Variants in NFIC observed in about 807,000 individuals in gnomAD.
The protein encoded by NFIC is nuclear factor I C, also known as nuclear factor 1 C-type.
In NFIC, 12 loss-of-function variants were observed where a neutral mutation model predicts 54.4. That is an observed-to-expected ratio of 0.22 (90% confidence interval 0.14 to 0.36). The LOEUF is 0.36. Among genes scored for constraint, NFIC ranks in the 10% least tolerant of loss-of-function variants. The pLI, the probability that NFIC is intolerant of heterozygous loss-of-function variation, is 1.00. For missense variants in NFIC, 575 were observed against 718.2 expected (o/e 0.80, Z 2.28); for synonymous variants, 322 against 319.2 (o/e 1.01, Z -0.09).
At chr19:3,389,128 C>T (rs1048122693) in intron 2 of NFIC, among the ~76,000 whole-genome samples, 1 of 152,062 alleles carries the variant, frequency 6.6e-6, no homozygotes, top group African/African-American at 2.4e-5. Flanking sequence ...CAGTGCAGGC[C>T]GTGCACACTC....
intron 2 of NFIC, among the ~76,000 whole-genome samples, chr19:3,423,534 G>A (rs2081984293): frequency 6.6e-6 from 1 of 152,088 alleles, no homozygotes; most frequent in Non-Finnish European, 1.5e-5. Context: ...GGCTGGGGAG[G>A]GGCGTCTGCC....
intron 1 of NFIC, among the ~76,000 whole-genome samples, chr19:3,360,160 C>T (rs1351625148): frequency 6.9e-6 from 1 of 145,354 alleles, no homozygotes; most frequent in Admixed American, 6.8e-5. Context: ...TGCCCCGGCC[C>T]GGGCGAGCGC....
chr19:3,378,295 C>T (rs563112603), intron 1 of NFIC, among the ~76,000 whole-genome samples: 1 of 150,960 alleles, frequency 6.6e-6, no homozygotes, highest in South Asian at 2.1e-4. Flanking sequence ...GATGGGGTTT[C>T]GCCATGTTGC....
At position 3,452,101 on chromosome 19, in the gene NFIC, CAAAA is replaced by C. The variant is rs777727186; in HGVS notation, c.1085-362_1085-359del. ...TGCACTCCAGCCTGGGTGACTGTCTCAAAAAAAAAAAAAAAAAAAAAAGACCAGG... is the reference window on the plus strand; with the variant it reads ...TGCACTCCAGCCTGGGTGACTGTCTCAAAAAAAAAAAAAAAAAAGACCAGG... On this transcript the variant is annotated intron_variant, in intron 7 of 10. Coordinates refer to ENST00000443272, the MANE Select transcript of NFIC (RefSeq NM_001245002.2). This position sits in a 1 kb window ranked among gnomAD's most constrained non-coding sequence, Gnocchi z 5.3. Among the ~76,000 whole-genome samples the C allele has an allele frequency of 1.8e-5, 1 of 54,524 alleles. No individual in the cohort carries two copies. Among genetic ancestry groups the C allele is most frequent in the Non-Finnish European group, 4.1e-5 (1 of 24,412 alleles). 35.8% of individuals were successfully genotyped at this position (54,524 alleles called of 152,430 possible). A position where few individuals can be genotyped will look rare whatever the true frequency, so the allele number is the denominator to read the frequency against.
chr19:3,364,150 G>T (rs2080852967), upstream of NFIC, among the ~76,000 whole-genome samples: 1 of 147,172 alleles, frequency 6.8e-6, no homozygotes. Flanking sequence ...ACTGTAGAGA[G>T]AGTGCTTTGA....
chr19:3,448,964 C>T (rs774139053), intron 6 of NFIC, 50 bp from the exon 7 acceptor site: 61 of 1,579,468 alleles, frequency 3.9e-5, no homozygotes, highest in Non-Finnish European at 4.4e-5. Context: ...AGGTCCAGGG[C>T]TCATGGGGTG....
intron 6 of NFIC, among the ~76,000 whole-genome samples, chr19:3,447,566 G>A (rs964179302): frequency 2.0e-5 from 3 of 152,206 alleles, no homozygotes; most frequent in Non-Finnish European, 4.4e-5. Flanking sequence ...AGGGCTGAAG[G>A]CATCCTCAGA....
At chr19:3,383,392 G>C (rs1242132543) in intron 2 of NFIC, among the ~76,000 whole-genome samples, 1 of 152,136 alleles carries the variant, frequency 6.6e-6, no homozygotes, top group Non-Finnish European at 1.5e-5. Flanking sequence ...GATGCCCCAG[G>C]GGTCCTGGCA....
At chr19:3,419,300 T>C (rs1244758386) in intron 2 of NFIC, among the ~76,000 whole-genome samples, 1 of 152,140 alleles carries the variant, frequency 6.6e-6, no homozygotes, top group Non-Finnish European at 1.5e-5. Context: ...ATTTATAGCA[T>C]ATTATTTTTA....
At chr19:3,447,214 G>A (rs930099856) in intron 6 of NFIC, among the ~76,000 whole-genome samples, 2 of 150,876 alleles carry the variant, frequency 1.3e-5, no homozygotes, top group African/African-American at 4.9e-5. Context: ...CAGTAGAATC[G>A]CTTGAACCTG....
At chr19:3,404,346 G>A (rs931340589) in intron 2 of NFIC, among the ~76,000 whole-genome samples, 1 of 152,250 alleles carries the variant, frequency 6.6e-6, no homozygotes, top group Admixed American at 6.5e-5. Context: ...GAGGGTGTGC[G>A]TGCGGGTATT....
chr19:3,460,321 G>A (rs1316088384), intron 10 of NFIC, among the ~76,000 whole-genome samples: 3 of 152,136 alleles, frequency 2.0e-5, no homozygotes, highest in Non-Finnish European at 2.9e-5. Context: ...GCAGAAATGA[G>A]AGCCAGAGCC....
At chr19:3,364,037 G>A (rs1386007274), upstream of NFIC, among the ~76,000 whole-genome samples, 2 of 152,214 alleles carry the variant, frequency 1.3e-5, no homozygotes, top group Non-Finnish European at 2.9e-5. Flanking sequence ...CAGATGGACA[G>A]CATGGCTGCC....
In NFIC at chr19:3,459,135, C is replaced by T. The variant is rs953977966; in HGVS notation, c.1509+2500C>T. 3.9e-5 allele frequency among the ~76,000 whole-genome samples: 6 copies of T among 152,124 alleles called. No homozygotes were observed. Among genetic ancestry groups the T allele is most frequent in the Non-Finnish European group, 4.4e-5 (3 of 68,000 alleles). On this transcript the variant is annotated intron_variant, in intron 10 of 10. Coordinates refer to ENST00000443272, the MANE Select transcript of NFIC (RefSeq NM_001245002.2). The surrounding 1 kb of genome is among the most constrained non-coding windows in gnomAD (Gnocchi z 4.2). ...TGGCCAGTCAGCACTTCTGCCTCCG[C>T]CTCCTCTATTCCTGGCGGATTCGCT...
At chr19:3,403,799 C>T (rs1331158420) in intron 2 of NFIC, among the ~76,000 whole-genome samples, 2 of 152,122 alleles carry the variant, frequency 1.3e-5, no homozygotes, top group Non-Finnish European at 2.9e-5. Flanking sequence ...GAAGGGGAAG[C>T]CGGGAGGGGC....
intron 2 of NFIC, among the ~76,000 whole-genome samples, chr19:3,407,959 A>G (rs1205646161): frequency 2.6e-5 from 4 of 152,188 alleles, no homozygotes; most frequent in Admixed American, 2.0e-4. Flanking sequence ...GCCTTCCAGG[A>G]CAGAGAAAGT....
chr19:3,380,219 T>G (rs574615870), intron 1 of NFIC, among the ~76,000 whole-genome samples: 1 of 148,566 alleles, frequency 6.7e-6, no homozygotes, highest in Admixed American at 6.8e-5. Context: ...TTAGCCAGGA[T>G]GGTCTCAATC....
rs1487999671 is a variant in NFIC at position 3,453,225 on chromosome 19, C to T, written c.1270-538C>T. 1.3e-5 allele frequency among the ~76,000 whole-genome samples: 2 copies of T among 151,946 alleles called. No individual in the cohort carries two copies. The highest frequency in any genetic ancestry group is 2.9e-5 in the Non-Finnish European group (2 of 67,994). ...CTGCACCCCAGCCTGGGTGACAGAA[C>T]GAGACCCTGTCTCAAAAAGAAAAAA... On this transcript the variant is annotated intron_variant, in intron 8 of 10. Transcript: ENST00000443272. This position sits in a 1 kb window ranked among gnomAD's most constrained non-coding sequence, Gnocchi z 6.7.
chr19:3,409,680 G>A (rs910055446), intron 2 of NFIC, among the ~76,000 whole-genome samples: 4 of 152,218 alleles, frequency 2.6e-5, no homozygotes, highest in East Asian at 1.9e-4. Context: ...CAGAGCCCAC[G>A]GCGATGCCTT....
Sources: allele counts gnomAD v4.1 joint callset (sites outside exome capture counted in the v4.1 genomes callset), GRCh38; gene constraint gnomAD v4.1.1; non-coding constraint Gnocchi (gnomAD v3.1); transcripts MANE v1.5; gene names NCBI Gene and HGNC (gene_info 2026-07-23, HGNC 2026-07-21).